The following EPM2A variants were observed in gnomAD, a reference collection of about 807,000 sequenced individuals.
EPM2A encodes EPM2A glucan phosphatase, laforin, also known as laforin.
In EPM2A, 21 loss-of-function variants were observed where a neutral mutation model predicts 26.5. The ratio of observed to expected loss-of-function variants is 0.79; its 90% CI spans 0.56 to 1.14. The LOEUF is 1.14. EPM2A is among the 50% of genes most tolerant of loss of function. The probability of loss-of-function intolerance (pLI) is 0.00; values close to 1 mark genes in which losing one functional copy is unlikely to be tolerated. For synonymous variants in EPM2A, 217 were observed against 177.6 expected (o/e 1.22, Z -1.76); for missense variants, 458 against 440.8 (o/e 1.04, Z -0.35).
chr6:145,713,064 T>C (rs947991089), intron 1 of EPM2A, among the ~76,000 whole-genome samples: 1 of 152,202 alleles, frequency 6.6e-6, no homozygotes, highest in African/African-American at 2.4e-5. Context: ...TGTTTTTTAT[T>C]TTTATCTTTT....
intron 1 of EPM2A, among the ~76,000 whole-genome samples, chr6:145,689,271 T>A (rs1253487983): frequency 6.6e-6 from 1 of 152,312 alleles, no homozygotes; most frequent in South Asian, 2.1e-4. Flanking sequence ...ATTGTCTTTT[T>A]AATTTCACCT....
At chr6:145,571,436 T>G (rs1408554813) in intron 2 of EPM2A, among the ~76,000 whole-genome samples, 1 of 152,208 alleles carries the variant, frequency 6.6e-6, no homozygotes, top group Non-Finnish European at 1.5e-5. Flanking sequence ...CAATGCTGTG[T>G]GGAATACCAT....
intron 4 of EPM2A, among the ~76,000 whole-genome samples, chr6:145,458,320 G>A (rs902682655): frequency 1.5e-4 from 19 of 126,202 alleles, no homozygotes; most frequent in African/African-American, 5.4e-4. Context: ...AAGGCCGAAC[G>A]CTATTTTGTC....
At chr6:145,500,177 A>T (rs926258742), downstream of EPM2A, among the ~76,000 whole-genome samples, 1 of 152,226 alleles carries the variant, frequency 6.6e-6, no homozygotes, top group South Asian at 2.1e-4. Context: ...GCTATAGAAC[A>T]ATCATTTATA....
At chr6:145,677,658 T>C (rs1043300860) in intron 2 of EPM2A, among the ~76,000 whole-genome samples, 1 of 152,132 alleles carries the variant, frequency 6.6e-6, no homozygotes. Context: ...AGCCAAATCA[T>C]GAGTGAACTC....
chr6:145,455,128 T>C (rs75622408), intron 4 of EPM2A, among the ~76,000 whole-genome samples: 1,824 of 151,940 alleles, frequency 0.012, 29 homozygotes, highest in African/African-American at 0.039. Flanking sequence ...TGTGGGCATA[T>C]GGAATTACTT....
intron 1 of EPM2A, chr6:145,705,902 T>C (rs952924783): frequency 1.1e-5 from 5 of 456,674 alleles, no homozygotes; most frequent in Admixed American, 9.4e-5. Context: ...TTCCAAGATA[T>C]ACCAAGGAAA....
intron 2 of EPM2A, among the ~76,000 whole-genome samples, chr6:145,594,841 T>C (rs1197294464): frequency 6.6e-6 from 1 of 151,862 alleles, no homozygotes; most frequent in Non-Finnish European, 1.5e-5. Flanking sequence ...TGAATTACCA[T>C]GTTTAATTTC....
At chr6:145,451,778 A>G (rs1246502887) in intron 4 of EPM2A, among the ~76,000 whole-genome samples, 1 of 152,224 alleles carries the variant, frequency 6.6e-6, no homozygotes, top group African/African-American at 2.4e-5. Context: ...AGAATTCTAA[A>G]TTATTTTTTA....
At chr6:145,448,913 T>C (rs1779157928) in intron 4 of EPM2A, among the ~76,000 whole-genome samples, 2 of 152,218 alleles carry the variant, frequency 1.3e-5, no homozygotes, top group Non-Finnish European at 1.5e-5. Context: ...TGTCTACAAA[T>C]AAGCAATATG....
intron 4 of EPM2A, among the ~76,000 whole-genome samples, chr6:145,488,025 T>C (rs1779699787): frequency 6.6e-6 from 1 of 152,134 alleles, no homozygotes; most frequent in Non-Finnish European, 1.5e-5. Flanking sequence ...CAGTTTTACT[T>C]TTCTGCTTAT....
At chr6:145,466,535 A>G (rs916163751) in intron 4 of EPM2A, among the ~76,000 whole-genome samples, 23 of 152,112 alleles carry the variant, frequency 1.5e-4, no homozygotes, top group African/African-American at 5.5e-4. Flanking sequence ...ACACTTTTAC[A>G]CTGTTGGTGG....
intron 2 of EPM2A, among the ~76,000 whole-genome samples, chr6:145,547,754 A>G (rs577142006): frequency 6.6e-6 from 1 of 152,238 alleles, no homozygotes; most frequent in South Asian, 2.1e-4. Context: ...AGATAACATA[A>G]GAATCTTCAG....
chr6:145,548,657 A>G lies in EPM2A; in HGVS notation c.341-46082T>C, dbSNP rs112965978. Among the ~76,000 whole-genome samples, 1,321 of 152,162 alleles carry G rather than the reference A, an allele frequency of 8.7e-3. 19 individuals are homozygous for G. The highest frequency in any genetic ancestry group is 0.03 in the African/African-American group (1,250 of 41,538). ...TTCAAACCCAAATTGATTGCCATTG[A>G]TCCCTCTCCTTTTTCTCCTAAAAGC... On this transcript the variant is annotated intron_variant, in intron 2 of 3. Coordinates refer to the EPM2A transcript ENST00000450221.
intron 4 of EPM2A, among the ~76,000 whole-genome samples, chr6:145,396,748 C>A (rs1232830400): frequency 1.3e-5 from 2 of 152,194 alleles, no homozygotes; most frequent in Non-Finnish European, 2.9e-5. Context: ...TATTGCCACC[C>A]CATGGATGTA....
At chr6:145,608,726 A>T (rs562064033) in intron 2 of EPM2A, among the ~76,000 whole-genome samples, 1 of 152,354 alleles carries the variant, frequency 6.6e-6, no homozygotes, top group African/African-American at 2.4e-5. Context: ...CTGAAGGAAC[A>T]GCAATGCAAG....
At chr6:145,561,574 T>C (rs1780805061) in intron 2 of EPM2A, among the ~76,000 whole-genome samples, 1 of 152,134 alleles carries the variant, frequency 6.6e-6, no homozygotes, top group South Asian at 2.1e-4. Context: ...TGGTAACTAT[T>C]CTTATAAATG....
At chr6:145,492,012 C>T in intron 4 of EPM2A, 1 of 383,874 alleles carries the variant, frequency 2.6e-6, no homozygotes, top group Non-Finnish European at 5.0e-6. Flanking sequence ...CCCGATCTTG[C>T]TGTTTATTCA....
intron 4 of EPM2A, among the ~76,000 whole-genome samples, chr6:145,465,839 C>G (rs1470491925): frequency 1.3e-5 from 2 of 152,016 alleles, no homozygotes; most frequent in Non-Finnish European, 2.9e-5. Flanking sequence ...CGCCGCATAT[C>G]TACAACTATC....
Sources: allele counts gnomAD v4.1 joint callset (sites outside exome capture counted in the v4.1 genomes callset), GRCh38; gene constraint gnomAD v4.1.1; transcripts MANE v1.5; gene names NCBI Gene and HGNC (gene_info 2026-07-23, HGNC 2026-07-21).